Variants in NRAS observed in about 807,000 individuals in gnomAD.
The protein encoded by NRAS is GTPase NRas.
A neutral mutation model predicts 21.3 loss-of-function variants in NRAS; 6 were observed. That is an observed-to-expected ratio of 0.28 (90% CI 0.15 to 0.56). The LOEUF is 0.56. Among genes scored for constraint, NRAS ranks in the 20% least tolerant of loss-of-function variants. The pLI is 0.93. For synonymous variants in NRAS, 84 were observed against 82.0 expected, an observed-to-expected ratio of 1.02 and a Z score of -0.13; for missense variants, 143 against 231.3, an observed-to-expected ratio of 0.62 and a Z score of 2.48.
intron 3 of NRAS, 58 bp downstream of exon 3, chr1:114,713,742 C>T: frequency 7.0e-7 from 1 of 1,431,620 alleles, no homozygotes; most frequent in Non-Finnish European, 9.9e-7. Context: ...ACCTCATTTC[C>T]CCATAAAGAT....
chr1:114,710,521 G>A (rs1281332219), intron 3 of NRAS, among the ~76,000 whole-genome samples: 1 of 149,728 alleles, frequency 6.7e-6, no homozygotes, highest in Admixed American at 6.7e-5. Flanking sequence ...AGAAAAGAAA[G>A]GGAAGAAAGA....
At position 114,713,912 on chromosome 1, in the gene NRAS, C is replaced by G. The variant is rs1557982817; in HGVS notation, c.178G>C (p.Gly60Arg). ...TCLLDILDTA[G>R]QEEYSAMRDQ... ...CTCATGGCACTGTACTCTTCTTGTC[C>G]AGCTGTATCCAGTATGTCCAACAAA... The change falls in exon 3 of 7, where the codon GGA (glycine) becomes CGA (arginine). Residue 60 changes from glycine (G) to arginine (R), a missense_variant. Transcript: ENST00000369535. 6.2e-7 allele frequency: 1 copy of G among 1,611,266 alleles called. No individual in the cohort carries two copies. Among genetic ancestry groups the G allele is most frequent in the Non-Finnish European group, 8.5e-7 (1 of 1,177,928 alleles).
chr1:114,707,400 A>T lies in NRAS; in HGVS notation c.*694T>A, dbSNP rs1658942041. On this transcript the variant is annotated 3_prime_UTR_variant, in exon 7 of 7. Transcript: ENST00000369535. Reference sequence around the variant, plus strand: ...ATGCATAAGGATTTTTGAGACATCTATTCCACTGAAATATTATAAAGGAAG... The same window carrying T: ...ATGCATAAGGATTTTTGAGACATCTTTTCCACTGAAATATTATAAAGGAAG... 6.6e-6 allele frequency: 1 copy of T among 152,648 alleles called. No individual in the cohort carries two copies. The highest frequency in any genetic ancestry group is 1.5e-5 in the Non-Finnish European group (1 of 68,030). 9.5% of individuals were successfully genotyped at this position (152,648 alleles called of 1,614,324 possible).
At chr1:114,714,818 C>T (rs1659118707) in intron 2 of NRAS, among the ~76,000 whole-genome samples, 1 of 152,060 alleles carries the variant, frequency 6.6e-6, no homozygotes, top group South Asian at 2.1e-4. Flanking sequence ...AAATATTAAA[C>T]ATTTCATGTA....
At chr1:114,714,117 C>T in intron 2 of NRAS, 139 bp from the exon 3 acceptor site, 1 of 556,316 alleles carries the variant, frequency 1.8e-6, no homozygotes, top group Non-Finnish European at 3.1e-6. Context: ...TGGTTTGTCC[C>T]TCAAATTGCT....
chr1:114,714,537 T>C (rs1399816481), intron 2 of NRAS, among the ~76,000 whole-genome samples: 4 of 152,220 alleles, frequency 2.6e-5, no homozygotes, highest in Non-Finnish European at 4.4e-5. Flanking sequence ...CAAGGTATAG[T>C]TATGTTTAAT....
chr1:114,708,413 T>C, intron 5 of NRAS, 118 bp downstream of exon 5: 3 of 914,468 alleles, frequency 3.3e-6, no homozygotes, highest in African/African-American at 1.6e-5. Flanking sequence ...ATGGAAAATG[T>C]GCAGAAGAGG....
Position 114,707,983 on chromosome 1 carries a change from T to C in NRAS, c.*111A>G, listed in dbSNP as rs188272768. On this transcript the variant is annotated 3_prime_UTR_variant, in exon 7 of 7. Coordinates refer to ENST00000369535, the MANE Select transcript of NRAS (RefSeq NM_002524.5). ...GCTGGGGAAGTAGCAGGAGCTTCTC[T>C]GTGAGACTGAAGACAGCAACAGGAA... 2.0e-4 allele frequency: 32 copies of C among 161,212 alleles called. No individual in the cohort carries two copies. The highest frequency in any genetic ancestry group is 3.3e-3 in the Middle Eastern group (1 of 300). The allele number at this position is 161,212 out of a possible 1,614,324, so 10.0% of individuals were successfully genotyped here.
At chr1:114,711,115 G>A (rs957372201) in intron 3 of NRAS, among the ~76,000 whole-genome samples, 1 of 152,172 alleles carries the variant, frequency 6.6e-6, no homozygotes, top group East Asian at 1.9e-4. Context: ...ACCAGCCTGG[G>A]CAACATGGTG....
chr1:114,711,441 T>C (rs1341642358), intron 3 of NRAS, among the ~76,000 whole-genome samples: 2 of 150,522 alleles, frequency 1.3e-5, no homozygotes, highest in African/African-American at 4.9e-5. Flanking sequence ...CTACTAAAAA[T>C]ACAAAAAAAA....
At position 114,705,051 on chromosome 1, in the gene NRAS, G is replaced by A. The variant is rs1026976488; in HGVS notation, c.*3043C>T. 31 of 152,054 alleles carry A rather than the reference G, an allele frequency of 2.0e-4. No individual in the cohort carries two copies. The highest frequency in any genetic ancestry group is 7.2e-4 in the African/African-American group (30 of 41,416). 9.4% of individuals were successfully genotyped at this position (152,054 alleles called of 1,614,324 possible). On this transcript the variant is annotated 3_prime_UTR_variant, in exon 7 of 7. Transcript: ENST00000369535. The stretch of plus-strand genomic sequence containing the variant: ...CAGAACGCACCATTTTTTGGTTCTT[G>A]GTTGTAGCTGCCAACTTAGGAGTTC...
rs917549421 is a variant in NRAS at position 114,708,775 on chromosome 1, T to C, written c.451-121A>G. On this transcript the variant is annotated intron_variant, in intron 4 of 6. Coordinates refer to ENST00000369535, the MANE Select transcript of NRAS (RefSeq NM_002524.5). ...CATAAGATTCCAATTACTAAACGAA[T>C]AGCTGATAAAATAAAATATGGTGAT... 2.0e-5 allele frequency: 17 copies of C among 835,918 alleles called. 1 individual carries two copies. In the Middle Eastern group the frequency reaches 7.3e-4, roughly 36 times the overall value. The allele number at this position is 835,918 out of a possible 1,614,324, so 51.8% of individuals were successfully genotyped here. A position where few individuals can be genotyped will look rare whatever the true frequency, so the allele number is the denominator to read the frequency against.
chr1:114,715,542 T>C (rs1659142331), intron 2 of NRAS, among the ~76,000 whole-genome samples: 1 of 152,066 alleles, frequency 6.6e-6, no homozygotes, highest in African/African-American at 2.4e-5. Context: ...TTGGGAGAGA[T>C]TCAGTTGCTC....
chr1:114,710,313 T>C (rs974056714), intron 3 of NRAS, among the ~76,000 whole-genome samples: 1 of 141,602 alleles, frequency 7.1e-6, no homozygotes, highest in South Asian at 2.1e-4. Flanking sequence ...TTTACACATA[T>C]AAATATATAT....
intron 3 of NRAS, among the ~76,000 whole-genome samples, chr1:114,710,850 G>A (rs1177436258): frequency 1.3e-5 from 2 of 152,132 alleles, no homozygotes; most frequent in African/African-American, 4.8e-5. Flanking sequence ...AAAGAGCTTG[G>A]CTCTGGATTT....
intron 3 of NRAS, among the ~76,000 whole-genome samples, chr1:114,711,894 T>C (rs1008247605): frequency 1.2e-4 from 19 of 152,234 alleles, no homozygotes; most frequent in Admixed American, 2.6e-4. Flanking sequence ...CTAGTGGCTA[T>C]TGAGCATTTG....
In NRAS at chr1:114,706,968, T is replaced by G. The variant is rs1658933056; in HGVS notation, c.*1126A>C. The G allele has an allele frequency of 6.6e-6, 1 of 152,640 alleles. No homozygotes were observed. Among genetic ancestry groups the G allele is most frequent in the Non-Finnish European group, 1.5e-5 (1 of 68,038 alleles). The allele number at this position is 152,640 out of a possible 1,614,324, so 9.5% of individuals were successfully genotyped here. ...CATGATATACAGTGAAAATGTAATT[T>G]GTTAATATACTATATTTGAGGTTTG... On this transcript the variant is annotated 3_prime_UTR_variant, in exon 7 of 7. Transcript: ENST00000369535.
chr1:114,711,616 AAAC>A lies in NRAS; in HGVS notation c.291-1891_291-1889del, dbSNP rs1374136434. ...GCAAAACTCCGTCTCAAAAAAAAAAAAACAAACAAACAAAAAAAACAAACCTAA... is the reference window on the plus strand; with the variant it reads ...GCAAAACTCCGTCTCAAAAAAAAAAAAAACAAACAAAAAAAACAAACCTAA... On this transcript the variant is annotated intron_variant, in intron 3 of 6. Transcript: ENST00000369535. Among the ~76,000 whole-genome samples the A allele has an allele frequency of 6.5e-4, 80 of 122,944 alleles. 2 individuals are homozygous for A. The highest frequency in any genetic ancestry group is 1.5e-3 in the East Asian group (5 of 3,310). The allele number at this position is 122,944 out of a possible 152,430, so 80.7% of individuals were successfully genotyped here. A position where few individuals can be genotyped will look rare whatever the true frequency, so the allele number is the denominator to read the frequency against.
intron 3 of NRAS, among the ~76,000 whole-genome samples, chr1:114,710,571 G>A (rs1027799010): frequency 3.3e-5 from 5 of 151,810 alleles, no homozygotes; most frequent in East Asian, 1.9e-4. Flanking sequence ...AAGTGAGAGC[G>A]AGAGAAAGAG....
Sources: gnomAD v4.1 joint callset for allele counts (sites outside exome capture counted in the v4.1 genomes callset) on GRCh38, gnomAD v4.1.1 for gene constraint, MANE v1.5 for transcripts, NCBI Gene and HGNC (gene_info 2026-07-23, HGNC 2026-07-21) for gene names.